Variants in DRC8 observed in about 807,000 individuals in gnomAD.
DRC8 encodes the protein dynein regulatory complex protein 8.
the DRC8 span, among the ~76,000 whole-genome samples, chr1:245,002,536 T>C: frequency 6.6e-6 from 1 of 152,188 alleles, no homozygotes; most frequent in African/African-American, 2.4e-5. Context: ...GTTTCTTTTC[T>C]TTCTTTCCAA....
At chr1:245,050,409 G>C in the DRC8 span, among the ~76,000 whole-genome samples, 1 of 151,922 alleles carries the variant, frequency 6.6e-6, no homozygotes, top group Non-Finnish European at 1.5e-5. Flanking sequence ...CCTCATCCCC[G>C]TTTTCTACTC....
the DRC8 span, among the ~76,000 whole-genome samples, chr1:245,029,500 G>A: frequency 0.022 from 3,410 of 152,054 alleles, 134 homozygotes; most frequent in African/African-American, 0.077. Flanking sequence ...GTTTCACTAT[G>A]TTGGCCAGGC....
the DRC8 span, among the ~76,000 whole-genome samples, chr1:244,972,815 C>G: frequency 1.1e-5 from 1 of 93,446 alleles, no homozygotes; most frequent in Non-Finnish European, 2.2e-5. Flanking sequence ...GACTCCGTCT[C>G]AAAAAAAAAA....
chr1:245,028,600 G>A, the DRC8 span, among the ~76,000 whole-genome samples: 3 of 152,212 alleles, frequency 2.0e-5, no homozygotes, highest in African/African-American at 7.2e-5. Flanking sequence ...ACTGGAAGAG[G>A]AGTTTGTTAA....
At chr1:244,969,802 A>T in the DRC8 span, 1 of 317,014 alleles carries the variant, frequency 3.2e-6, no homozygotes, top group Non-Finnish European at 5.8e-6. Flanking sequence ...AAGGACGGTG[A>T]AGACTGGACG....
At chr1:245,083,704 T>C in the DRC8 span, 1 of 1,600,302 alleles carries the variant, frequency 6.2e-7, no homozygotes, top group South Asian at 1.1e-5. Context: ...TGTGATTTAT[T>C]ACTTATCACA....
At chr1:244,987,791 A>G in the DRC8 span, among the ~76,000 whole-genome samples, 584 of 152,220 alleles carry the variant, frequency 3.8e-3, 4 homozygotes, top group African/African-American at 0.014. Flanking sequence ...TTCCCATGGT[A>G]AGTATTCCTC....
chr1:244,982,093 C>G, the DRC8 span, among the ~76,000 whole-genome samples: 8 of 152,152 alleles, frequency 5.3e-5, no homozygotes, highest in African/African-American at 1.9e-4. Flanking sequence ...GGTGGAGACT[C>G]TATTTAAGGA....
At chr1:245,039,338 A>C in the DRC8 span, among the ~76,000 whole-genome samples, 19 of 91,424 alleles carry the variant, frequency 2.1e-4, no homozygotes, top group South Asian at 4.0e-4. Flanking sequence ...AAAAAAGCCA[A>C]GTGTGGTGGC....
chr1:245,015,337 G>A, the DRC8 span, among the ~76,000 whole-genome samples: 4 of 152,216 alleles, frequency 2.6e-5, no homozygotes, highest in Admixed American at 6.5e-5. Flanking sequence ...ACACCTTGGA[G>A]TTGGCCTTAA....
chr1:245,072,413 A>T, the DRC8 span, among the ~76,000 whole-genome samples: 1 of 152,090 alleles, frequency 6.6e-6, no homozygotes, highest in African/African-American at 2.4e-5. Flanking sequence ...ATTTTTAAAA[A>T]TTTTTGTAGA....
chr1:245,086,206 A>G, the DRC8 span, among the ~76,000 whole-genome samples: 2 of 152,260 alleles, frequency 1.3e-5, no homozygotes, highest in African/African-American at 4.8e-5. Flanking sequence ...AGCAAGTATT[A>G]TTACAAACCT....
the DRC8 span, among the ~76,000 whole-genome samples, chr1:245,033,505 A>C: frequency 6.6e-6 from 1 of 152,224 alleles, no homozygotes; most frequent in African/African-American, 2.4e-5. Context: ...CTAAGGCCCT[A>C]TGATTATCTT....
the DRC8 span, among the ~76,000 whole-genome samples, chr1:244,975,958 G>A: frequency 5.3e-5 from 8 of 152,110 alleles, no homozygotes; most frequent in Non-Finnish European, 1.2e-4. Flanking sequence ...GTAAGTATTA[G>A]TATCTGCTTA....
At chr1:245,002,182 A>C in the DRC8 span, 3 of 1,610,608 alleles carry the variant, frequency 1.9e-6, no homozygotes, top group Non-Finnish European at 2.5e-6. Flanking sequence ...CATCTAATGG[A>C]AGGTGGAAGA....
chr1:245,116,266 A>G, the DRC8 span, among the ~76,000 whole-genome samples: 1 of 152,056 alleles, frequency 6.6e-6, no homozygotes, highest in African/African-American at 2.4e-5. Context: ...TATCCCAATT[A>G]CTTGGGAGGC....
chr1:245,054,776 G>A, the DRC8 span, among the ~76,000 whole-genome samples: 2 of 152,002 alleles, frequency 1.3e-5, no homozygotes, highest in South Asian at 2.1e-4. Context: ...CCTGCACTTC[G>A]CACTCTTATG....
chr1:245,064,017 C>T, the DRC8 span, among the ~76,000 whole-genome samples: 5 of 152,154 alleles, frequency 3.3e-5, no homozygotes, highest in African/African-American at 4.8e-5. Context: ...CCAACCACGC[C>T]CGGCCCAGAT....
chr1:245,113,454 G>A, the DRC8 span, among the ~76,000 whole-genome samples: 3 of 152,268 alleles, frequency 2.0e-5, no homozygotes, highest in East Asian at 1.9e-4. Flanking sequence ...TAGAAGGCCC[G>A]CTGTGTGCTC....
Sources: allele counts gnomAD v4.1 joint callset (sites outside exome capture counted in the v4.1 genomes callset), GRCh38; gene constraint gnomAD v4.1.1; transcripts MANE v1.5; gene names NCBI Gene and HGNC (gene_info 2026-07-23, HGNC 2026-07-21).